FHIP2A: variants seen among roughly 807,000 people sequenced by gnomAD.
The protein encoded by FHIP2A is FHF complex subunit HOOK interacting protein 2A, also known as family with sequence similarity 160 member B1.
FHIP2A carries 46 observed loss-of-function variants against 93.5 expected under a neutral mutation model. That is an observed-to-expected ratio of 0.49 (90% confidence interval 0.39 to 0.63). FHIP2A has a LOEUF of 0.63. Among genes scored for constraint, FHIP2A ranks in the 20% least tolerant of loss-of-function variants. FHIP2A has a pLI of 0.00. For missense variants in FHIP2A, 769 were observed against 909.7 expected (o/e 0.85, Z 1.99); for synonymous variants, 332 against 326.5 (o/e 1.02, Z -0.18).
chr10:114,849,568 A>T (rs1451228995), intron 13 of FHIP2A, among the ~76,000 whole-genome samples: 1 of 152,238 alleles, frequency 6.6e-6, no homozygotes, highest in East Asian at 1.9e-4. Flanking sequence ...GTAAGATTTT[A>T]AAAATTGTAT....
At chr10:114,883,172 G>T (rs529648270) in intron 16 of FHIP2A, among the ~76,000 whole-genome samples, 2 of 152,280 alleles carry the variant, frequency 1.3e-5, no homozygotes, top group Admixed American at 1.3e-4. Context: ...ACATTACAGG[G>T]TTAGTTTTTC....
At chr10:114,881,917 C>T (rs891254475) in intron 16 of FHIP2A, among the ~76,000 whole-genome samples, 1 of 152,138 alleles carries the variant, frequency 6.6e-6, no homozygotes, top group South Asian at 2.1e-4. Context: ...TTAAATCATA[C>T]TTGTGTTTGT....
chr10:114,860,644 G>A (rs2083792190), intron 14 of FHIP2A, 105 bp from the exon 15 acceptor site: 2 of 951,410 alleles, frequency 2.1e-6, no homozygotes, highest in African/African-American at 3.2e-5. Context: ...GAGCCACTGG[G>A]CCTGGCCAGA....
chr10:114,852,644 T>G (rs1566374767), intron 13 of FHIP2A, among the ~76,000 whole-genome samples: 2 of 152,222 alleles, frequency 1.3e-5, no homozygotes, highest in African/African-American at 4.8e-5. Context: ...CAGATTACAG[T>G]AGCCTCATAA....
At chr10:114,846,799 A>G (rs753082124) in intron 11 of FHIP2A, 71 bp downstream of exon 11, 160 of 1,346,412 alleles carry the variant, frequency 1.2e-4, no homozygotes, top group Non-Finnish European at 1.6e-4. Context: ...CCTCTTATCT[A>G]CCTCCCTTAT....
At chr10:114,826,909 G>A (rs1566363910) in intron 1 of FHIP2A, among the ~76,000 whole-genome samples, 2 of 152,142 alleles carry the variant, frequency 1.3e-5, no homozygotes, top group Non-Finnish European at 1.5e-5. Context: ...CAGGAGAATC[G>A]CTTGAATCCG....
At chr10:114,849,056 C>T (rs960149994) in intron 13 of FHIP2A, among the ~76,000 whole-genome samples, 1 of 135,162 alleles carries the variant, frequency 7.4e-6, no homozygotes, top group Admixed American at 8.7e-5. Context: ...GCAGGAGAAT[C>T]GCTTGAACCT....
rs2083700736 is a variant in FHIP2A at position 114,846,307 on chromosome 10, A to G, written c.1338A>G (p.Glu446=). 6.2e-7 allele frequency: 1 copy of G among 1,614,094 alleles called. No homozygotes were observed. The highest frequency in any genetic ancestry group is 1.7e-5 in the Admixed American group (1 of 60,008). The change falls in exon 10 of 17, where the codon GAA becomes GAG. Residue 446 remains glutamate (E), a synonymous_variant. Transcript: ENST00000369248. ...AGAGGGAACCAGAAACTCTGGCAGA[A>G]ATCAGCAGACATCCTTTAAGGCATA... The part of the protein sequence containing the change: ...GEQREPETLA[E]ISRHPLRHRL...
chr10:114,873,481 G>A (rs1346780677), intron 16 of FHIP2A, among the ~76,000 whole-genome samples: 1 of 152,124 alleles, frequency 6.6e-6, no homozygotes, highest in Non-Finnish European at 1.5e-5. Context: ...TTCTCGGGAA[G>A]CAAAGTCACC....
intron 14 of FHIP2A, among the ~76,000 whole-genome samples, chr10:114,855,674 C>CAGAT (rs1345190522): frequency 1.3e-5 from 2 of 152,172 alleles, no homozygotes; most frequent in African/African-American, 4.8e-5. Context: ...AGTACAAATA[C>CAGAT]AGATGCTCAA....
At chr10:114,842,828 AC>A in intron 5 of FHIP2A, 104 bp from the exon 6 acceptor site, 1 of 689,790 alleles carries the variant, frequency 1.4e-6, no homozygotes, top group African/African-American at 1.8e-5. Context: ...ATCTATTGCT[AC>A]TTTGGCTAGG....
chr10:114,869,975 A>C (rs921096191), intron 16 of FHIP2A, among the ~76,000 whole-genome samples: 1 of 152,196 alleles, frequency 6.6e-6, no homozygotes, highest in African/African-American at 2.4e-5. Context: ...TATCATTTTC[A>C]TTTCAATGGA....
Position 114,862,285 on chromosome 10 carries a change from C to G in FHIP2A, c.*745C>G, listed in dbSNP as rs1331027238. On this transcript the variant is annotated 3_prime_UTR_variant, in exon 17 of 17. Coordinates refer to ENST00000369248, the MANE Select transcript of FHIP2A (RefSeq NM_020940.4). ...CGTTTTCGCAGCAGTGTTCAATTTG[C>G]TCACCATTGGTAGTGTTTGCTAAAA... The G allele has an allele frequency of 7.1e-6, 7 of 987,200 alleles. No homozygotes were observed. Among genetic ancestry groups the G allele is most frequent in the African/African-American group, 5.2e-5 (3 of 57,308 alleles). The allele number at this position is 987,200 out of a possible 1,614,324, so 61.2% of individuals were successfully genotyped here. A position where few individuals can be genotyped will look rare whatever the true frequency, so the allele number is the denominator to read the frequency against.
chr10:114,823,843 A>C (rs1166424985), intron 1 of FHIP2A, among the ~76,000 whole-genome samples: 2 of 152,108 alleles, frequency 1.3e-5, no homozygotes. Flanking sequence ...GGAACACTTA[A>C]TGAGATACTT....
chr10:114,849,894 T>A (rs1458589876), intron 13 of FHIP2A, among the ~76,000 whole-genome samples: 1 of 152,216 alleles, frequency 6.6e-6, no homozygotes, highest in Admixed American at 6.5e-5. Flanking sequence ...CTGTCTGGCA[T>A]TTTTTACTCA....
At chr10:114,837,087 A>C (rs2083640467) in intron 5 of FHIP2A, among the ~76,000 whole-genome samples, 1 of 151,786 alleles carries the variant, frequency 6.6e-6, no homozygotes, top group African/African-American at 2.4e-5. Flanking sequence ...GTTTTTTTGT[A>C]GAGACAGTGT....
Position 114,821,860 on chromosome 10 carries a change from C to CGGA in FHIP2A, c.-218_-217insGAG, listed in dbSNP as rs2083525332. The CGGA allele has an allele frequency of 3.7e-6, 1 of 269,276 alleles. No individual in the cohort carries two copies. Among genetic ancestry groups the CGGA allele is most frequent in the East Asian group, 6.0e-5 (1 of 16,726 alleles). 16.7% of individuals were successfully genotyped at this position (269,276 alleles called of 1,614,324 possible). A position where few individuals can be genotyped will look rare whatever the true frequency, so the allele number is the denominator to read the frequency against. ...CCGAGTCCTCGCCGAACGCCCTCCT[C>CGGA]GCCGCCCGCCGCGTCCCGGCGCCCT... is the stretch of plus-strand genomic sequence containing the variant. On this transcript the variant is annotated 5_prime_UTR_variant, in exon 1 of 17. Coordinates refer to ENST00000369248, the MANE Select transcript of FHIP2A (RefSeq NM_020940.4).
intron 16 of FHIP2A, among the ~76,000 whole-genome samples, chr10:114,883,717 G>A (rs999138017): frequency 2.6e-5 from 4 of 152,154 alleles, no homozygotes; most frequent in African/African-American, 9.7e-5. Context: ...AAGTAGCTGG[G>A]ACTACAGGCA....
Position 114,847,214 on chromosome 10 carries a change from G to A in FHIP2A, c.1693G>A (p.Val565Ile), listed in dbSNP as rs1263365177. The change falls in exon 12 of 17, where the codon GTT becomes ATT. Residue 565 changes from valine to isoleucine, a missense_variant. By Grantham distance (29) the Val-to-Ile change is conservative. Transcript: ENST00000369248. ...DHPKNDGKTE[V>I]HKIVNSFLCL... The stretch of plus-strand genomic sequence containing the variant: ...CCCCAAAAATGATGGAAAAACTGAA[G>A]TTCATAAAATTGTAAATAGGTGAGT... 4 of 1,610,696 alleles carry A rather than the reference G, an allele frequency of 2.5e-6. No individual in the cohort carries two copies. The highest frequency in any genetic ancestry group is 2.2e-5 in the East Asian group (1 of 44,832).
Sources: allele counts gnomAD v4.1 joint callset (sites outside exome capture counted in the v4.1 genomes callset), GRCh38; gene constraint gnomAD v4.1.1; transcripts MANE v1.5; gene names NCBI Gene and HGNC (gene_info 2026-07-23, HGNC 2026-07-21).